The following SUMO3 variants were observed in gnomAD, a reference collection of about 807,000 sequenced individuals.
SUMO3 encodes the protein small ubiquitin-related modifier 3.
A neutral mutation model predicts 11.1 loss-of-function variants in SUMO3; 2 were observed. The ratio of observed to expected loss-of-function variants is 0.18; its 90% CI spans 0.07 to 0.57. SUMO3 has a LOEUF of 0.57. SUMO3 is among the 20% of genes least tolerant of loss of function. The pLI is 0.92. For missense variants in SUMO3, 70 were observed against 132.8 expected (o/e 0.53, Z 2.32); for synonymous variants, 56 against 53.5 (o/e 1.05, Z -0.20).
intron 3 of SUMO3, chr21:44,808,505 A>T: frequency 6.9e-7 from 1 of 1,440,504 alleles, no homozygotes; most frequent in Non-Finnish European, 9.2e-7. Context: ...ACAAAGCGAG[A>T]CTCCGTCTCA....
intron 1 of SUMO3, 73 bp from the exon 2 acceptor site, chr21:44,814,177 A>C (rs2083230393): frequency 6.4e-7 from 1 of 1,571,496 alleles, no homozygotes; most frequent in Non-Finnish European, 8.7e-7. Flanking sequence ...GCAAGTCTTT[A>C]GGTAATTGTT....
intron 1 of SUMO3, among the ~76,000 whole-genome samples, chr21:44,815,137 C>T (rs1038178834): frequency 2.0e-5 from 3 of 152,364 alleles, no homozygotes; most frequent in East Asian, 1.9e-4. Flanking sequence ...GTACATCACA[C>T]GCCTGTTCTC....
chr21:44,809,139 C>T lies in SUMO3; in HGVS notation c.151-21G>A, dbSNP rs200803487. The T allele has an allele frequency of 2.3e-5, 37 of 1,611,708 alleles. No homozygotes were observed. In the East Asian group the frequency reaches 7.8e-4, roughly 34 times the overall value. ...AAGCCCTGGAAAGGAAAAGCAGTGG[C>T]CATTAGTCTCACTGGCAAGCCCTGG... On this transcript the variant is annotated intron_variant, in intron 2 of 3. Transcript: ENST00000332859.
rs1396044011 is a variant in SUMO3 at position 44,810,853 on chromosome 21, A to C, written c.151-1735T>G. 6.7e-6 allele frequency among the ~76,000 whole-genome samples: 1 copy of C among 149,276 alleles called. No individual in the cohort carries two copies. Among genetic ancestry groups the C allele is most frequent in the African/African-American group, 2.4e-5 (1 of 41,256 alleles). ...GCAGCAGCCTAGAGAGGAGGGGAGG[A>C]GCGCAGAGGAGAACGGACAGGAAGG... is the stretch of plus-strand genomic sequence containing the variant. On this transcript the variant is annotated intron_variant, in intron 2 of 3. Coordinates refer to ENST00000332859, the MANE Select transcript of SUMO3 (RefSeq NM_006936.3). This position sits in a 1 kb window ranked among gnomAD's most constrained non-coding sequence, Gnocchi z 4.1.
rs1395373350 is a variant in SUMO3 at position 44,811,228 on chromosome 21, C to A, written c.151-2110G>T. Among the ~76,000 whole-genome samples, 1 of 151,952 alleles carries A rather than the reference C, an allele frequency of 6.6e-6. No individual in the cohort carries two copies. Among genetic ancestry groups the A allele is most frequent in the Non-Finnish European group, 1.5e-5 (1 of 68,018 alleles). ...TACACACCACACACACCTACACTCA[C>A]GATTCAAATTCTATGGGAAGTAAAA... is the stretch of plus-strand genomic sequence containing the variant. On this transcript the variant is annotated intron_variant, in intron 2 of 3. Transcript: ENST00000332859. This position sits in a 1 kb window ranked among gnomAD's most constrained non-coding sequence, Gnocchi z 5.0.
chr21:44,809,040 T>G lies in SUMO3; in HGVS notation c.222+7A>C. On this transcript the variant is annotated splice_region_variant and intron_variant, in intron 3 of 3. Coordinates refer to ENST00000332859, the MANE Select transcript of SUMO3 (RefSeq NM_006936.3). ...CGCCCTGGAACCACGCGAAGCCAGC[T>G]CCGTACCTGTGCTGGAGTGTCAGTT... is the stretch of plus-strand genomic sequence containing the variant. 1.2e-5 allele frequency: 19 copies of G among 1,612,982 alleles called. No homozygotes were observed. Among genetic ancestry groups the G allele is most frequent in the Non-Finnish European group, 1.6e-5 (19 of 1,178,986 alleles).
chr21:44,806,625 A>G lies in SUMO3; in HGVS notation c.*326T>C, dbSNP rs2083178570. On this transcript the variant is annotated 3_prime_UTR_variant, in exon 4 of 4. Coordinates refer to ENST00000332859, the MANE Select transcript of SUMO3 (RefSeq NM_006936.3). The stretch of plus-strand genomic sequence containing the variant: ...CAGGAGTCAGATCCCTGGCCAGACT[A>G]AAAGCGAACATTCAGGCTATAATTT... The G allele has an allele frequency of 8.0e-6, 3 of 376,910 alleles. No homozygotes were observed. The highest frequency in any genetic ancestry group is 1.4e-5 in the Non-Finnish European group (3 of 214,026). 23.3% of individuals were successfully genotyped at this position (376,910 alleles called of 1,614,324 possible).
intron 1 of SUMO3, among the ~76,000 whole-genome samples, chr21:44,815,343 A>C (rs912997966): frequency 4.6e-5 from 7 of 152,122 alleles, no homozygotes; most frequent in African/African-American, 1.7e-4. Flanking sequence ...AGTGGCCTGC[A>C]AGGGGCCTTG....
rs1430621751 is a variant in SUMO3 at position 44,807,929 on chromosome 21, G to A, written c.223-889C>T. ...CACTCCCAGAGCTGCCACTGCCTCA[G>A]CGGTGTGTAGGTTTCCTCAAGTAGG... On this transcript the variant is annotated intron_variant, in intron 3 of 3. Coordinates refer to ENST00000332859, the MANE Select transcript of SUMO3 (RefSeq NM_006936.3). This position sits in a 1 kb window ranked among gnomAD's most constrained non-coding sequence, Gnocchi z 4.3. Among the ~76,000 whole-genome samples, 1 of 152,258 alleles carries A rather than the reference G, an allele frequency of 6.6e-6. No homozygotes were observed. The highest frequency in any genetic ancestry group is 2.4e-5 in the African/African-American group (1 of 41,472).
intron 1 of SUMO3, among the ~76,000 whole-genome samples, chr21:44,816,633 C>T (rs944315102): frequency 9.9e-5 from 15 of 152,146 alleles, no homozygotes; most frequent in Admixed American, 6.5e-4. Context: ...CCAAGGGCTT[C>T]GGAAAGGTTC....
rs531861841 is a variant in SUMO3 at position 44,810,405 on chromosome 21, C to T, written c.151-1287G>A. Among the ~76,000 whole-genome samples the T allele has an allele frequency of 4.6e-5, 7 of 152,276 alleles. No homozygotes were observed. The highest frequency in any genetic ancestry group is 1.4e-4 in the African/African-American group (6 of 41,526). On this transcript the variant is annotated intron_variant, in intron 2 of 3. Coordinates refer to ENST00000332859, the MANE Select transcript of SUMO3 (RefSeq NM_006936.3). This position sits in a 1 kb window ranked among gnomAD's most constrained non-coding sequence, Gnocchi z 4.1. Reference sequence around the variant, plus strand: ...CCCAACCTGTGAGGCAGAGCTGTGGCAGGCAGCTGATTCTGAACAGCTGCC... The same window carrying T: ...CCCAACCTGTGAGGCAGAGCTGTGGTAGGCAGCTGATTCTGAACAGCTGCC...
intron 1 of SUMO3, among the ~76,000 whole-genome samples, 170 bp downstream of exon 1, chr21:44,817,778 A>C: frequency 1.2e-5 from 1 of 84,850 alleles, no homozygotes; most frequent in Non-Finnish European, 2.4e-5. Flanking sequence ...TCGCGGGGGC[A>C]GAGGGGGCGC....
rs1314894904 is a variant in SUMO3 at position 44,811,306 on chromosome 21, G to A, written c.151-2188C>T. On this transcript the variant is annotated intron_variant, in intron 2 of 3. Coordinates refer to ENST00000332859, the MANE Select transcript of SUMO3 (RefSeq NM_006936.3). The surrounding 1 kb of genome is among the most constrained non-coding windows in gnomAD (Gnocchi z 5.0). The stretch of plus-strand genomic sequence containing the variant: ...ATTGCTACTGAGGATGGGTGCGGTG[G>A]CTCACACCTGTAATCCCAGCACTTT... 6.6e-6 allele frequency among the ~76,000 whole-genome samples: 1 copy of A among 152,174 alleles called. No individual in the cohort carries two copies. The highest frequency in any genetic ancestry group is 1.5e-5 in the Non-Finnish European group (1 of 68,032).
At chr21:44,815,460 AGT>A (rs2083238198) in intron 1 of SUMO3, among the ~76,000 whole-genome samples, 2 of 152,182 alleles carry the variant, frequency 1.3e-5, no homozygotes, top group African/African-American at 2.4e-5. Flanking sequence ...CCGGGATGCC[AGT>A]GGCTTGGCGG....
At position 44,807,426 on chromosome 21, in the gene SUMO3, C is replaced by A. The variant is rs80015658; in HGVS notation, c.223-386G>T. Among the ~76,000 whole-genome samples, 2 of 152,160 alleles carry A rather than the reference C, an allele frequency of 1.3e-5. No homozygotes were observed. Among genetic ancestry groups the A allele is most frequent in the African/African-American group, 2.4e-5 (1 of 41,414 alleles). On this transcript the variant is annotated intron_variant, in intron 3 of 3. Coordinates refer to ENST00000332859, the MANE Select transcript of SUMO3 (RefSeq NM_006936.3). The surrounding 1 kb of genome is among the most constrained non-coding windows in gnomAD (Gnocchi z 4.3). ...CACTGAGTCCTAGGACCCACAGGAGCCTTGCGCTTTATACCAAGTGCGGGG... is the reference window on the plus strand; with the variant it reads ...CACTGAGTCCTAGGACCCACAGGAGACTTGCGCTTTATACCAAGTGCGGGG...
rs754612226 is a variant in SUMO3, at chr21:44,813,957, G to A, written c.150+19C>T. Reference sequence around the variant, plus strand: ...AGTGCGCACACGGGGAGGCTCTGCGGGGGAGCAAGGTGCCGCACCTGCCTC... The same window carrying A: ...AGTGCGCACACGGGGAGGCTCTGCGAGGGAGCAAGGTGCCGCACCTGCCTC... On this transcript the variant is annotated intron_variant, in intron 2 of 3. Transcript: ENST00000332859. 122 of 1,607,830 alleles carry A rather than the reference G, an allele frequency of 7.6e-5. No individual in the cohort carries two copies. In the Middle Eastern group the frequency reaches 9.9e-4, roughly 13 times the overall value.
At chr21:44,813,800 A>AATTTTAC (rs2083227248) in intron 2 of SUMO3, 176 bp downstream of exon 2, 2 of 1,506,490 alleles carry the variant, frequency 1.3e-6, no homozygotes, top group African/African-American at 2.8e-5. Context: ...CATGGGGGAC[A>AATTTTAC]AGCCCAGCCT....
chr21:44,814,705 C>T (rs1340805933), intron 1 of SUMO3, among the ~76,000 whole-genome samples: 2 of 152,228 alleles, frequency 1.3e-5, no homozygotes, highest in East Asian at 1.9e-4. Context: ...GGCCACTCCC[C>T]ACAGCAGGCG....
At chr21:44,816,966 G>C (rs2083248073) in intron 1 of SUMO3, among the ~76,000 whole-genome samples, 1 of 116,688 alleles carries the variant, frequency 8.6e-6, no homozygotes. Context: ...CACTGGGGGT[G>C]TGATGGAAAG....
Sources: allele counts gnomAD v4.1 joint callset (sites outside exome capture counted in the v4.1 genomes callset), GRCh38; gene constraint gnomAD v4.1.1; non-coding constraint Gnocchi (gnomAD v3.1); transcripts MANE v1.5; gene names NCBI Gene and HGNC (gene_info 2026-07-23, HGNC 2026-07-21).